The following CNTNAP5 variants were observed in gnomAD, a reference collection of about 807,000 sequenced individuals.
CNTNAP5 encodes the protein contactin-associated protein-like 5.
Under a neutral mutation model 150.2 loss-of-function variants are expected in CNTNAP5, and 72 were observed. The ratio of observed to expected loss-of-function variants is 0.48; its 90% CI spans 0.40 to 0.58. The LOEUF (loss-of-function observed/expected upper bound fraction) is 0.58, where lower values mean the gene tolerates loss of function less well. CNTNAP5 is among the 20% of genes least tolerant of loss of function. The pLI, the probability that CNTNAP5 is intolerant of heterozygous loss-of-function variation, is 0.00. For synonymous variants in CNTNAP5, 672 were observed against 619.8 expected (o/e 1.08, Z -1.25); for missense variants, 1,636 against 1,626.2 (o/e 1.01, Z -0.10).
rs1371233785 is a variant in CNTNAP5, at chr2:124,685,817, G to A, written c.2077+37859G>A. On this transcript the variant is annotated intron_variant, in intron 13 of 23. Transcript: ENST00000682447. ...TAGCGAGGGAATGAATGGCACATAA[G>A]CTAAAATGCTGAGCTCCTAATTTAT... Among the ~76,000 whole-genome samples, 5 of 151,760 alleles carry A rather than the reference G, an allele frequency of 3.3e-5. No individual in the cohort carries two copies. The East Asian group carries it at 9.7e-4, about 29-fold the overall frequency.
At chr2:124,084,092 G>A (rs189078650) in intron 1 of CNTNAP5, among the ~76,000 whole-genome samples, 1 of 151,852 alleles carries the variant, frequency 6.6e-6, no homozygotes, top group Admixed American at 6.6e-5. Context: ...TAAAAGCCCT[G>A]GTCATGTTTT....
intron 2 of CNTNAP5, among the ~76,000 whole-genome samples, chr2:124,241,446 C>T (rs1686883718): frequency 6.6e-6 from 1 of 152,134 alleles, no homozygotes; most frequent in Non-Finnish European, 1.5e-5. Flanking sequence ...TAGGATATGG[C>T]TGCACTTGCC....
At position 124,524,445 on chromosome 2, in the gene CNTNAP5, T is replaced by A; in HGVS notation, c.1470T>A (p.Tyr490Ter). 6.2e-7 allele frequency: 1 copy of A among 1,610,718 alleles called. No homozygotes were observed. The highest frequency in any genetic ancestry group is 1.1e-5 in the South Asian group (1 of 90,678). The change falls in exon 9 of 24, where the codon TAT (tyrosine) becomes TAA (stop). Residue 490 changes from tyrosine to a stop codon, truncating the protein, a stop_gained. Coordinates refer to ENST00000682447, the MANE Select transcript of CNTNAP5 (RefSeq NM_001367498.1). LOFTEE classifies it high-confidence loss of function. ...AGATTTATTCTGGAAATAGCTACTA[T>A]TTTGGAGGTAAATTCTCCAGTCTTT... is the stretch of plus-strand genomic sequence containing the variant. ...WVQIYSGNSYYFGGCPDNLTD... is the reference protein window; with the variant it reads ...WVQIYSGNSY
rs1558743635 is a variant in CNTNAP5 at position 124,707,112 on chromosome 2, GGAAGAAGAAGA to G, written c.2078-40116_2078-40106del. Among the ~76,000 whole-genome samples the G allele has an allele frequency of 5.2e-4, 39 of 74,690 alleles. 6 individuals carry two copies. The highest frequency in any genetic ancestry group is 1.7e-3 in the African/African-American group (31 of 17,784). 49.0% of individuals were successfully genotyped at this position (74,690 alleles called of 152,430 possible). A position where few individuals can be genotyped will look rare whatever the true frequency, so the allele number is the denominator to read the frequency against. On this transcript the variant is annotated intron_variant, in intron 13 of 23. Coordinates refer to ENST00000682447, the MANE Select transcript of CNTNAP5 (RefSeq NM_001367498.1). ...AAGAAGAAGAAGAGGAAGAAGAAGA[GGAAGAAGAAGA>G]AAGAAGAAGAAGAAGAGGAAGAAGA... is the stretch of plus-strand genomic sequence containing the variant.
intron 1 of CNTNAP5, among the ~76,000 whole-genome samples, chr2:124,184,899 G>A (rs774286158): frequency 3.3e-5 from 5 of 152,116 alleles, no homozygotes; most frequent in African/African-American, 4.8e-5. Flanking sequence ...GGGTAAAATC[G>A]ATACTGTTGT....
intron 6 of CNTNAP5, among the ~76,000 whole-genome samples, chr2:124,466,736 A>G (rs1693387018): frequency 6.6e-6 from 1 of 152,204 alleles, no homozygotes; most frequent in Non-Finnish European, 1.5e-5. Context: ...ATGGATGAGC[A>G]CATTACCTAA....
At chr2:124,188,616 G>A (rs555740679) in intron 1 of CNTNAP5, among the ~76,000 whole-genome samples, 133 of 151,438 alleles carry the variant, frequency 8.8e-4, no homozygotes, top group African/African-American at 3.1e-3. Flanking sequence ...CTACTTGGGA[G>A]GCTGAGGCAG....
rs540386818 is a variant in CNTNAP5, at chr2:124,519,125, A to G, written c.1328-5178A>G. ...ATGATTTTATTTATATAAAGTGCCC[A>G]GAATAGGCAAATCCATAGAGGCACA... On this transcript the variant is annotated intron_variant, in intron 8 of 23. Coordinates refer to ENST00000682447, the MANE Select transcript of CNTNAP5 (RefSeq NM_001367498.1). 2.6e-5 allele frequency among the ~76,000 whole-genome samples: 4 copies of G among 152,104 alleles called. No homozygotes were observed. In the South Asian group the frequency reaches 8.3e-4, roughly 32 times the overall value.
intron 6 of CNTNAP5, among the ~76,000 whole-genome samples, chr2:124,456,663 A>G (rs1275922216): frequency 6.6e-6 from 1 of 152,204 alleles, no homozygotes; most frequent in Non-Finnish European, 1.5e-5. Flanking sequence ...CTGATTTCAA[A>G]CTATACTATA....
At chr2:124,565,033 A>T (rs1372329740) in intron 11 of CNTNAP5, among the ~76,000 whole-genome samples, 1 of 152,094 alleles carries the variant, frequency 6.6e-6, no homozygotes, top group Non-Finnish European at 1.5e-5. Context: ...AGATGCCAAT[A>T]GGGCTGGAAC....
intron 1 of CNTNAP5, among the ~76,000 whole-genome samples, chr2:124,095,675 T>C (rs1682918483): frequency 6.6e-6 from 1 of 152,040 alleles, no homozygotes; most frequent in African/African-American, 2.4e-5. Flanking sequence ...GAGGAATGAG[T>C]CTCTCTTCTG....
intron 7 of CNTNAP5, among the ~76,000 whole-genome samples, chr2:124,477,337 A>C (rs2104836124): frequency 6.6e-6 from 1 of 152,036 alleles, no homozygotes. Flanking sequence ...TTGTGTTTTG[A>C]GGTATCATAT....
At chr2:124,623,263 C>A (rs898326748) in intron 12 of CNTNAP5, among the ~76,000 whole-genome samples, 1 of 152,142 alleles carries the variant, frequency 6.6e-6, no homozygotes, top group Admixed American at 6.5e-5. Flanking sequence ...CTTTCCCCAT[C>A]GTGATTCATA....
intron 13 of CNTNAP5, among the ~76,000 whole-genome samples, chr2:124,699,933 C>A (rs542448214): frequency 6.6e-6 from 1 of 152,142 alleles, no homozygotes; most frequent in Non-Finnish European, 1.5e-5. Context: ...GGTTGTACAA[C>A]TATCACCACT....
intron 6 of CNTNAP5, among the ~76,000 whole-genome samples, chr2:124,461,340 T>G (rs1337394982): frequency 2.6e-5 from 4 of 151,914 alleles, no homozygotes; most frequent in African/African-American, 4.8e-5. Context: ...TGGAATACTA[T>G]GTAGCCATAA....
chr2:124,508,372 C>T (rs936426088), intron 8 of CNTNAP5, among the ~76,000 whole-genome samples: 1 of 152,162 alleles, frequency 6.6e-6, no homozygotes, highest in African/African-American at 2.4e-5. Context: ...AAGCCTCAAT[C>T]CTCCTTATTT....
chr2:124,918,394 T>C lies in CNTNAP5; in HGVS notation c.*4106T>C, dbSNP rs956248016. ...CATCAGTAATTGACTAAAAAAATGT[T>C]GTCCATTTATGTGAGGTCTCACCTC... On this transcript the variant is annotated 3_prime_UTR_variant, in exon 24 of 24. Coordinates refer to ENST00000682447, the MANE Select transcript of CNTNAP5 (RefSeq NM_001367498.1). 1.3e-5 allele frequency among the ~76,000 whole-genome samples: 2 copies of C among 152,030 alleles called. No individual in the cohort carries two copies. The highest frequency in any genetic ancestry group is 4.8e-5 in the African/African-American group (2 of 41,420).
chr2:124,898,633 A>G (rs1412325851), intron 21 of CNTNAP5, among the ~76,000 whole-genome samples: 1 of 151,596 alleles, frequency 6.6e-6, no homozygotes, highest in African/African-American at 2.4e-5. Context: ...TAAGTTAACT[A>G]AGTCATTCAA....
chr2:124,915,750 G>A lies in CNTNAP5; in HGVS notation c.*1462G>A, dbSNP rs570585656. Among the ~76,000 whole-genome samples the A allele has an allele frequency of 6.6e-6, 1 of 152,156 alleles. No homozygotes were observed. The highest frequency in any genetic ancestry group is 1.5e-5 in the Non-Finnish European group (1 of 67,980). On this transcript the variant is annotated 3_prime_UTR_variant, in exon 24 of 24. Transcript: ENST00000682447. Reference sequence around the variant, plus strand: ...TCATTCCTTCAAGAAGGCACCTTGAGCTCATCCATGGGGTGGCGGTAAAGA... The same window carrying A: ...TCATTCCTTCAAGAAGGCACCTTGAACTCATCCATGGGGTGGCGGTAAAGA...
Sources: gnomAD v4.1 joint callset for allele counts (sites outside exome capture counted in the v4.1 genomes callset) on GRCh38, gnomAD v4.1.1 for gene constraint, MANE v1.5 for transcripts, NCBI Gene and HGNC (gene_info 2026-07-23, HGNC 2026-07-21) for gene names.